SUPT3H: variants seen among roughly 807,000 people sequenced by gnomAD.
The protein encoded by SUPT3H is transcription initiation protein SPT3 homolog.
In SUPT3H, 44 loss-of-function variants were observed where a neutral mutation model predicts 44.3. The observed-to-expected ratio is 0.99, with a 90% CI of 0.78 to 1.28. The LOEUF (loss-of-function observed/expected upper bound fraction) is 1.28. Among genes scored for constraint, SUPT3H ranks in the 50% most tolerant of loss-of-function variants. SUPT3H has a pLI of 0.00. For missense variants in SUPT3H, 380 were observed against 387.1 expected (o/e 0.98, Z 0.15); for synonymous variants, 124 against 125.6 (o/e 0.99, Z 0.09).
chr6:45,270,436 G>A (rs570267194), intron 2 of SUPT3H, among the ~76,000 whole-genome samples: 9 of 152,206 alleles, frequency 5.9e-5, no homozygotes, highest in Non-Finnish European at 8.8e-5. Context: ...CTGTTCTCGC[G>A]GTAGTACATA....
At chr6:44,901,078 C>A (rs973193908) in intron 10 of SUPT3H, among the ~76,000 whole-genome samples, 3 of 152,080 alleles carry the variant, frequency 2.0e-5, no homozygotes, top group African/African-American at 7.2e-5. Flanking sequence ...GGGGAAAAAA[C>A]AGAGCAGAAA....
intron 3 of SUPT3H, chr6:45,097,965 T>C (rs1235085536): frequency 2.0e-5 from 3 of 152,754 alleles, no homozygotes; most frequent in African/African-American, 7.2e-5. Flanking sequence ...GATAGGATTG[T>C]GGCGGTCCTC....
chr6:45,132,928 A>G (rs1178439356), intron 2 of SUPT3H, among the ~76,000 whole-genome samples: 6 of 152,144 alleles, frequency 3.9e-5, no homozygotes, highest in Non-Finnish European at 7.4e-5. Context: ...CAACAGGACA[A>G]AAGTAGTAAG....
At chr6:45,272,729 T>G (rs1776400332) in intron 2 of SUPT3H, among the ~76,000 whole-genome samples, 1 of 152,124 alleles carries the variant, frequency 6.6e-6, no homozygotes, top group Non-Finnish European at 1.5e-5. Flanking sequence ...GGAGAAGGAT[T>G]CTAGCTTTAC....
At chr6:44,817,357 A>C (rs530252882) in intron 11 of SUPT3H, among the ~76,000 whole-genome samples, 22 of 152,288 alleles carry the variant, frequency 1.4e-4, no homozygotes, top group Admixed American at 3.3e-4. Flanking sequence ...AAAAGCATCT[A>C]AGAAAATCTT....
chr6:45,149,334 T>C (rs1806559868), intron 2 of SUPT3H, among the ~76,000 whole-genome samples: 1 of 152,072 alleles, frequency 6.6e-6, no homozygotes, highest in Non-Finnish European at 1.5e-5. Context: ...ACCAAAAAAA[T>C]GACAGAATAA....
chr6:45,135,333 T>C (rs1269306610), intron 2 of SUPT3H, among the ~76,000 whole-genome samples: 1 of 152,148 alleles, frequency 6.6e-6, no homozygotes, highest in Non-Finnish European at 1.5e-5. Context: ...GACACACCCT[T>C]GGTTTACTCT....
intron 3 of SUPT3H, among the ~76,000 whole-genome samples, chr6:45,045,284 AC>A (rs1215456597): frequency 1.3e-5 from 2 of 152,150 alleles, no homozygotes; most frequent in Non-Finnish European, 2.9e-5. Flanking sequence ...AAGAAATGAA[AC>A]TGCTTCCTCC....
chr6:45,173,106 A>C (rs1212238909), intron 2 of SUPT3H, among the ~76,000 whole-genome samples: 2 of 152,202 alleles, frequency 1.3e-5, no homozygotes, highest in Non-Finnish European at 2.9e-5. Context: ...TCACACACTT[A>C]AGAACTCTAC....
At chr6:45,267,867 G>A (rs930520298) in intron 2 of SUPT3H, among the ~76,000 whole-genome samples, 1 of 152,136 alleles carries the variant, frequency 6.6e-6, no homozygotes, top group African/African-American at 2.4e-5. Context: ...AAGTCATGGG[G>A]AGTAGCACCA....
chr6:45,060,928 T>A (rs1196627751), intron 3 of SUPT3H, among the ~76,000 whole-genome samples: 1 of 152,118 alleles, frequency 6.6e-6, no homozygotes, highest in African/African-American at 2.4e-5. Context: ...GAATGGTGAT[T>A]ATTAAAATGT....
At chr6:44,966,307 T>G (rs1386254580) in intron 6 of SUPT3H, among the ~76,000 whole-genome samples, 1 of 152,014 alleles carries the variant, frequency 6.6e-6, no homozygotes, top group Non-Finnish European at 1.5e-5. Flanking sequence ...TACTCTTTAC[T>G]GAGATGGTTT....
chr6:45,281,543 G>A (rs1387139854), intron 2 of SUPT3H, among the ~76,000 whole-genome samples: 3 of 152,174 alleles, frequency 2.0e-5, no homozygotes, highest in South Asian at 2.1e-4. Flanking sequence ...GAGGTTGGGG[G>A]AGGGGCGCCC....
chr6:45,081,825 A>T (rs1795857023), intron 3 of SUPT3H, among the ~76,000 whole-genome samples: 1 of 152,142 alleles, frequency 6.6e-6, no homozygotes, highest in Non-Finnish European at 1.5e-5. Context: ...ACAATTCTAA[A>T]AGAACTGCCT....
chr6:45,191,369 TA>T (rs1815102578), intron 2 of SUPT3H, among the ~76,000 whole-genome samples: 1 of 152,008 alleles, frequency 6.6e-6, no homozygotes, highest in Non-Finnish European at 1.5e-5. Flanking sequence ...AAGGCAGAAC[TA>T]TGTAGACAAT....
At chr6:44,814,153 A>C (rs907441647) in intron 11 of SUPT3H, among the ~76,000 whole-genome samples, 1 of 152,228 alleles carries the variant, frequency 6.6e-6, no homozygotes, top group Non-Finnish European at 1.5e-5. Context: ...AGAGGCCAAA[A>C]GAGAAGGAAA....
At chr6:45,079,042 G>A (rs1056480945) in intron 3 of SUPT3H, among the ~76,000 whole-genome samples, 13 of 152,226 alleles carry the variant, frequency 8.5e-5, no homozygotes, top group African/African-American at 3.1e-4. Flanking sequence ...TGGGCGCGGT[G>A]GCTCATGCCT....
intron 2 of SUPT3H, among the ~76,000 whole-genome samples, chr6:45,248,184 CAG>C (rs1771709818): frequency 6.6e-6 from 1 of 151,932 alleles, no homozygotes; most frequent in Non-Finnish European, 1.5e-5. Context: ...TGTTTATGTA[CAG>C]AGTTCCTAGA....
chr6:45,376,892 TATGTATATAC>T (rs1192216196), intron 1 of SUPT3H, among the ~76,000 whole-genome samples: 6 of 152,174 alleles, frequency 3.9e-5, no homozygotes, highest in African/African-American at 1.4e-4. Context: ...TATACACACA[TATGTATATAC>T]ATATATATAC....
Sources: allele counts gnomAD v4.1 joint callset (sites outside exome capture counted in the v4.1 genomes callset), GRCh38; gene constraint gnomAD v4.1.1; transcripts MANE v1.5; gene names NCBI Gene and HGNC (gene_info 2026-07-23, HGNC 2026-07-21).